TMEM144: variants seen among roughly 807,000 people sequenced by gnomAD.
The protein encoded by TMEM144 is transmembrane protein 144.
TMEM144 carries 39 observed loss-of-function variants against 43.6 expected under a neutral mutation model. The ratio of observed to expected loss-of-function variants is 0.90; its 90% CI spans 0.69 to 1.17. TMEM144 has a LOEUF of 1.17. Ranked by LOEUF, TMEM144 falls within the 50% of genes most tolerant of loss-of-function variation. The pLI is 0.00. For synonymous variants in TMEM144, 154 were observed against 133.6 expected (o/e 1.15, Z -1.06); for missense variants, 417 against 411.9 (o/e 1.01, Z -0.11).
intron 12 of TMEM144, among the ~76,000 whole-genome samples, chr4:158,250,822 C>T (rs922748147): frequency 6.6e-6 from 1 of 152,154 alleles, no homozygotes; most frequent in African/African-American, 2.4e-5. Context: ...TGAACCCACT[C>T]CCCCCAACAA....
chr4:158,222,400 A>T (rs1734552319), intron 6 of TMEM144, among the ~76,000 whole-genome samples: 1 of 152,172 alleles, frequency 6.6e-6, no homozygotes, highest in South Asian at 2.1e-4. Flanking sequence ...TTGACCCAGG[A>T]TTACACCACA....
At chr4:158,246,566 C>A (rs982221871) in intron 12 of TMEM144, among the ~76,000 whole-genome samples, 1 of 151,928 alleles carries the variant, frequency 6.6e-6, no homozygotes, top group African/African-American at 2.4e-5. Flanking sequence ...TTTAAATACA[C>A]AAGAACAACT....
chr4:158,253,183 C>T, intron 12 of TMEM144, among the ~76,000 whole-genome samples: 1 of 152,184 alleles, frequency 6.6e-6, no homozygotes. Context: ...TCTGTGATTA[C>T]TTCCTGTCTC....
chr4:158,231,416 C>T (rs187802954), intron 6 of TMEM144, among the ~76,000 whole-genome samples: 48 of 152,182 alleles, frequency 3.2e-4, no homozygotes, highest in Middle Eastern at 6.8e-3. Context: ...CTCAGCACGC[C>T]GAAGTGCCGT....
chr4:158,212,091 A>C (rs1280845741), intron 2 of TMEM144: 1 of 152,228 alleles, frequency 6.6e-6, no homozygotes, highest in Non-Finnish European at 1.5e-5. Flanking sequence ...AGTGTGCAAA[A>C]TATGAATCCA....
chr4:158,232,823 GT>G (rs1220950661), intron 6 of TMEM144, 77 bp from the exon 7 acceptor site: 7 of 990,114 alleles, frequency 7.1e-6, no homozygotes, highest in Admixed American at 7.0e-5. Context: ...TAAGGTGTGT[GT>G]TTTTTTCTTA....
chr4:158,248,140 A>C (rs896123439), intron 12 of TMEM144, among the ~76,000 whole-genome samples: 8 of 151,490 alleles, frequency 5.3e-5, no homozygotes, highest in East Asian at 1.9e-4. Flanking sequence ...AAAAAAAAAA[A>C]AAAAACCTGG....
intron 7 of TMEM144, chr4:158,234,384 A>C (rs1304567879): frequency 6.6e-6 from 1 of 151,896 alleles, no homozygotes; most frequent in Non-Finnish European, 1.5e-5. Context: ...TACAAAAAAA[A>C]AAAAAATGAG....
chr4:158,242,946 C>T (rs1173405244), intron 11 of TMEM144, among the ~76,000 whole-genome samples: 1 of 152,184 alleles, frequency 6.6e-6, no homozygotes, highest in Non-Finnish European at 1.5e-5. Context: ...TTGACCTATG[C>T]TTGCATTACT....
At chr4:158,215,416 C>G (rs1311531880) in intron 4 of TMEM144, 103 bp downstream of exon 4, 2 of 1,395,708 alleles carry the variant, frequency 1.4e-6, no homozygotes, top group Non-Finnish European at 1.9e-6. Context: ...TCTGAATAAC[C>G]CTTAGTCATA....
At chr4:158,238,791 G>A (rs982486149) in intron 9 of TMEM144, among the ~76,000 whole-genome samples, 7 of 152,154 alleles carry the variant, frequency 4.6e-5, no homozygotes, top group Non-Finnish European at 1.0e-4. Context: ...GAGCACAGAT[G>A]TTCTTGGTAC....
intron 4 of TMEM144, among the ~76,000 whole-genome samples, chr4:158,216,070 A>G (rs773364593): frequency 1.3e-5 from 2 of 152,326 alleles, no homozygotes; most frequent in Non-Finnish European, 2.9e-5. Flanking sequence ...TTAGAAGATA[A>G]AAGAATTCGC....
In TMEM144 at chr4:158,237,612, T is replaced by C; in HGVS notation, c.651T>C (p.Asn217=). 6.2e-7 allele frequency: 1 copy of C among 1,613,702 alleles called. No homozygotes were observed. The highest frequency in any genetic ancestry group is 8.5e-7 in the Non-Finnish European group (1 of 1,179,754). The change falls in exon 9 of 13, where the codon AAT becomes AAC. Residue 217 remains asparagine (N), a synonymous_variant. Coordinates refer to ENST00000296529, the MANE Select transcript of TMEM144 (RefSeq NM_018342.5). ...IIYIKDHSKR[N]DSIYAGASQY... is the part of the protein sequence containing the mutation. ...ACATCAAGGACCACAGCAAAAGAAA[T>C]GATAGTATATATGCAGGGGCAAGCC... is the stretch of plus-strand genomic sequence containing the variant.
intron 12 of TMEM144, among the ~76,000 whole-genome samples, chr4:158,248,937 C>T (rs900375103): frequency 6.6e-6 from 1 of 152,122 alleles, no homozygotes; most frequent in African/African-American, 2.4e-5. Context: ...GATGGAGTCT[C>T]GCTCTGTTGC....
chr4:158,213,270 T>C (rs1197823077), intron 3 of TMEM144: 1 of 156,318 alleles, frequency 6.4e-6, no homozygotes, highest in African/African-American at 2.4e-5. Context: ...CCAGCTCCCT[T>C]AGTTCATCAC....
chr4:158,249,934 T>TGTGTGTGTGTGTGTGTG (rs1303140050), intron 12 of TMEM144, among the ~76,000 whole-genome samples: 2 of 87,740 alleles, frequency 2.3e-5, no homozygotes, highest in Admixed American at 1.1e-4. Context: ...GTGTGTGTGT[T>TGTGTGTGTGTGTGTGTG]TAAATAAGCT....
rs113884583 is a variant in TMEM144 at position 158,252,669 on chromosome 4, T to A, written c.955-775T>A. 5.6e-3 allele frequency among the ~76,000 whole-genome samples: 850 copies of A among 151,934 alleles called. 11 individuals are homozygous for A. The highest frequency in any genetic ancestry group is 0.02 in the African/African-American group (815 of 41,460). On this transcript the variant is annotated intron_variant, in intron 12 of 12. Coordinates refer to ENST00000296529, the MANE Select transcript of TMEM144 (RefSeq NM_018342.5). ...CTAAAAATACAAAAATTCACTGGGC[T>A]TGGTGATGCATGCCTGTAATCCCAG...
At chr4:158,224,065 C>A (rs1365607226) in intron 6 of TMEM144, among the ~76,000 whole-genome samples, 1 of 152,168 alleles carries the variant, frequency 6.6e-6, no homozygotes, top group Non-Finnish European at 1.5e-5. Flanking sequence ...ACAGCTTCGC[C>A]AGCATCTATT....
At chr4:158,236,955 T>C (rs1243747607) in intron 8 of TMEM144, among the ~76,000 whole-genome samples, 1 of 152,168 alleles carries the variant, frequency 6.6e-6, no homozygotes, top group Non-Finnish European at 1.5e-5. Context: ...TTCTTTTTTA[T>C]AAAAAGAAAT....
Sources: allele counts gnomAD v4.1 joint callset (sites outside exome capture counted in the v4.1 genomes callset), GRCh38; gene constraint gnomAD v4.1.1; transcripts MANE v1.5; gene names NCBI Gene and HGNC (gene_info 2026-07-23, HGNC 2026-07-21).